ZXDC: variants seen among roughly 807,000 people sequenced by gnomAD.
The protein encoded by ZXDC is ZXD family zinc finger C.
In ZXDC, 58 loss-of-function variants were observed where a neutral mutation model predicts 63.6. The observed-to-expected ratio is 0.91, with a 90% CI of 0.74 to 1.13. ZXDC has a LOEUF of 1.13. Ranked by LOEUF, ZXDC falls within the 50% of genes most tolerant of loss-of-function variation. The pLI, the probability that ZXDC is intolerant of heterozygous loss-of-function variation, is 0.00. For missense variants in ZXDC, 1,133 were observed against 1,148.9 expected, an observed-to-expected ratio of 0.99 and a Z score of 0.20; for synonymous variants, 561 against 496.1, an observed-to-expected ratio of 1.13 and a Z score of -1.74.
chr3:126,457,560 T>G (rs1462370040), intron 7 of ZXDC: 14 of 985,286 alleles, frequency 1.4e-5, no homozygotes, highest in Non-Finnish European at 1.7e-5. Flanking sequence ...CCCTTAGAAG[T>G]GTATGAAGTA....
chr3:126,470,788 G>C, intron 4 of ZXDC, 107 bp downstream of exon 4: 1 of 1,464,880 alleles, frequency 6.8e-7, no homozygotes, highest in Non-Finnish European at 9.4e-7. Context: ...CTTATATTGA[G>C]TCAGTCTTTA....
At chr3:126,459,415 C>T (rs1934433457) in intron 7 of ZXDC, 5 of 985,308 alleles carry the variant, frequency 5.1e-6, no homozygotes, top group Admixed American at 6.1e-5. Flanking sequence ...GGTGTTTGAA[C>T]GCTTAACTTT....
intron 6 of ZXDC, chr3:126,460,865 T>C: frequency 1.0e-6 from 1 of 985,394 alleles, no homozygotes; most frequent in Non-Finnish European, 1.2e-6. Context: ...ACAATATAAA[T>C]GTCACCATCA....
chr3:126,439,683 T>C lies in ZXDC; in HGVS notation c.2439A>G (p.Pro813=), dbSNP rs774015924. 3 of 1,553,220 alleles carry C rather than the reference T, an allele frequency of 1.9e-6. No homozygotes were observed. In the South Asian group the frequency reaches 3.6e-5, roughly 18 times the overall value. The change falls in exon 9 of 10, where the codon CCA becomes CCG. Residue 813 remains proline, a synonymous_variant. Transcript: ENST00000389709. ...GEGVLPSARG[P]ATFLPFLTVD... The stretch of plus-strand genomic sequence containing the variant: ...CAGTGAGGAAGGGGAGGAAGGTGGC[T>C]GGGCCGCGGGCCGAGGGCAGGACAC...
At chr3:126,451,858 A>T in intron 7 of ZXDC, 4 of 985,106 alleles carry the variant, frequency 4.1e-6, no homozygotes, top group Non-Finnish European at 3.6e-6. Context: ...CCCGTGCAGG[A>T]AGGGTTGATG....
rs150889687 is a variant in ZXDC, at chr3:126,470,784, T to C, written c.1270+111A>G. The C allele has an allele frequency of 1.2e-4, 170 of 1,450,522 alleles. 1 individual carries two copies. In the African/African-American group the frequency reaches 1.9e-3, roughly 16 times the overall value. 89.9% of individuals were successfully genotyped at this position (1,450,522 alleles called of 1,614,324 possible). ...AGTAAACATAATGCTGCAACTTATA[T>C]TGAGTCAGTCTTTAAGCAGCTAACA... On this transcript the variant is annotated intron_variant, in intron 4 of 9. Transcript: ENST00000389709.
chr3:126,471,787 G>A (rs1934990601), intron 3 of ZXDC, among the ~76,000 whole-genome samples, 186 bp downstream of exon 3: 1 of 151,668 alleles, frequency 6.6e-6, no homozygotes, highest in South Asian at 2.1e-4. Flanking sequence ...AGAAAAAACT[G>A]ACTTCAGGTG....
At chr3:126,469,974 G>T (rs79648284) in intron 4 of ZXDC, among the ~76,000 whole-genome samples, 2,534 of 152,284 alleles carry the variant, frequency 0.017, 74 homozygotes, top group South Asian at 0.13. Context: ...GCTTGACTGA[G>T]GCCACCACTT....
At chr3:126,449,955 G>A (rs1274791983) in intron 7 of ZXDC, among the ~76,000 whole-genome samples, 2 of 152,240 alleles carry the variant, frequency 1.3e-5, no homozygotes, top group Non-Finnish European at 2.9e-5. Flanking sequence ...ACTCATGCAG[G>A]TGCGGGAAAC....
intron 7 of ZXDC, chr3:126,458,710 C>T (rs1934405764): frequency 9.1e-6 from 9 of 985,426 alleles, no homozygotes; most frequent in Non-Finnish European, 1.1e-5. Flanking sequence ...TCAATAAAGG[C>T]ATCCGCTTTC....
chr3:126,441,943 G>A lies in ZXDC; in HGVS notation c.2216C>T (p.Ala739Val). 1 of 1,593,306 alleles carries A rather than the reference G, an allele frequency of 6.3e-7. No individual in the cohort carries two copies. Among genetic ancestry groups the A allele is most frequent in the Non-Finnish European group, 8.6e-7 (1 of 1,168,978 alleles). The change falls in exon 8 of 10, where the codon GCC becomes GTC. Residue 739 changes from alanine to valine, a missense_variant. Coordinates refer to ENST00000389709, the MANE Select transcript of ZXDC (RefSeq NM_025112.5). Reference protein sequence around the residue: ...KQRGAGSNAGASQSTQRKIKE... With the variant: ...KQRGAGSNAGVSQSTQRKIKE... The stretch of plus-strand genomic sequence containing the variant: ...TATTTTTCTCTGAGTAGACTGTGAG[G>A]CTCCTAAAATGAAATATAAAAACGA...
rs1281296806 is a variant in ZXDC, at chr3:126,466,181, A to C, written c.1415T>G (p.Met472Arg). Residue 472 changes from methionine (M) to arginine (R), a missense_variant, in exon 5 of 10, where the codon ATG becomes AGG. Met to Arg is a moderately conservative substitution (Grantham distance 91). Coordinates refer to ENST00000389709, the MANE Select transcript of ZXDC (RefSeq NM_025112.5). The part of the protein sequence containing the change: ...FTSKHSMKAH[M>R]VRQHSRRQDL... ...TTGGCGCCGGCTGTGCTGTCTGACC[A>C]TGTGCGCCTTCATGCTGTGCTTGGA... 1 of 1,614,120 alleles carries C rather than the reference A, an allele frequency of 6.2e-7. No homozygotes were observed. The highest frequency in any genetic ancestry group is 1.1e-5 in the South Asian group (1 of 91,084).
chr3:126,473,025 T>C (rs1427196032), intron 1 of ZXDC, among the ~76,000 whole-genome samples: 1 of 152,180 alleles, frequency 6.6e-6, no homozygotes, highest in African/African-American at 2.4e-5. Context: ...TTGGAGCCTT[T>C]AACGAGATAC....
intron 7 of ZXDC, among the ~76,000 whole-genome samples, chr3:126,457,881 G>C (rs915118537): frequency 1.3e-5 from 2 of 152,042 alleles, no homozygotes; most frequent in East Asian, 1.9e-4. Context: ...ACCACTAAAC[G>C]TAACTACTAA....
intron 7 of ZXDC, among the ~76,000 whole-genome samples, chr3:126,445,858 C>T (rs547244799): frequency 2.0e-4 from 31 of 152,214 alleles, no homozygotes; most frequent in African/African-American, 6.5e-4. Flanking sequence ...GGTGGTATGT[C>T]GTGAACATTT....
At chr3:126,458,166 A>T (rs941036716) in intron 7 of ZXDC, among the ~76,000 whole-genome samples, 4 of 152,194 alleles carry the variant, frequency 2.6e-5, no homozygotes, top group African/African-American at 7.2e-5. Flanking sequence ...AGATACTGAC[A>T]TTAAGAAAAT....
Position 126,459,722 on chromosome 3 carries a change from C to T in ZXDC, c.2143G>A (p.Ala715Thr). ...TGAATGGCTCGGTAATCAGTTCTTG[C>T]TGAGCCCCCACTTTCCTGAGACCAA... ...GNFYLESGGS[A>T]RTDYRAIQLA... The change falls in exon 7 of 10, where the codon GCA (alanine) becomes ACA (threonine). Residue 715 changes from alanine (A) to threonine (T), a missense_variant. Transcript: ENST00000389709. 1 of 1,614,168 alleles carries T rather than the reference C, an allele frequency of 6.2e-7. No individual in the cohort carries two copies. Among genetic ancestry groups the T allele is most frequent in the Non-Finnish European group, 8.5e-7 (1 of 1,180,024 alleles).
chr3:126,439,111 C>T (rs973449380), intron 9 of ZXDC, among the ~76,000 whole-genome samples: 2 of 152,054 alleles, frequency 1.3e-5, no homozygotes, highest in Non-Finnish European at 1.5e-5. Flanking sequence ...GTTTTGATTG[C>T]GAGGGAAATG....
At chr3:126,453,991 A>G (rs1934210948) in intron 7 of ZXDC, 1 of 889,828 alleles carries the variant, frequency 1.1e-6, no homozygotes, top group Non-Finnish European at 1.3e-6. Context: ...ATGTGTACAT[A>G]TAGGCATATA....
Sources: gnomAD v4.1 joint callset for allele counts (sites outside exome capture counted in the v4.1 genomes callset) on GRCh38, gnomAD v4.1.1 for gene constraint, MANE v1.5 for transcripts, NCBI Gene and HGNC (gene_info 2026-07-23, HGNC 2026-07-21) for gene names.